The following OMA1 variants were observed in gnomAD, a reference collection of about 807,000 sequenced individuals.
The protein encoded by OMA1 is OMA1 zinc metallopeptidase, also known as metalloendopeptidase OMA1, mitochondrial.
OMA1 carries 38 observed loss-of-function variants against 30.9 expected under a neutral mutation model. The observed-to-expected ratio is 1.23, with a 90% confidence interval of 0.95 to 1.61. The LOEUF (loss-of-function observed/expected upper bound fraction) is 1.61. Ranked by LOEUF, OMA1 falls within the 40% of genes most tolerant of loss-of-function variation. The probability of loss-of-function intolerance (pLI) is 0.00; values close to 1 mark genes in which losing one functional copy is unlikely to be tolerated. For synonymous variants in OMA1, 173 were observed against 121.9 expected (o/e 1.42, Z -2.76); for missense variants, 461 against 349.2 (o/e 1.32, Z -2.55).
intron 5 of OMA1, among the ~76,000 whole-genome samples, chr1:58,531,484 T>C (rs1290840097): frequency 2.0e-5 from 3 of 152,222 alleles, no homozygotes; most frequent in Non-Finnish European, 2.9e-5. Context: ...AGATTGTTCA[T>C]GGTTTGCCAT....
chr1:58,526,808 A>T (rs1056602037), intron 7 of OMA1, among the ~76,000 whole-genome samples: 6 of 152,134 alleles, frequency 3.9e-5, no homozygotes, highest in Non-Finnish European at 8.8e-5. Flanking sequence ...AAGGGGTAAA[A>T]TATTGGAGTA....
At chr1:58,544,928 A>G (rs1304458194) in intron 1 of OMA1, among the ~76,000 whole-genome samples, 1 of 152,078 alleles carries the variant, frequency 6.6e-6, no homozygotes, top group East Asian at 1.9e-4. Context: ...TTCTGTAGAC[A>G]CGGTGTGTCA....
intron 7 of OMA1, among the ~76,000 whole-genome samples, chr1:58,522,803 AT>A (rs1299469742): frequency 2.0e-5 from 3 of 152,238 alleles, no homozygotes; most frequent in Non-Finnish European, 4.4e-5. Flanking sequence ...TAAGAAAACC[AT>A]AAGGAAGAGA....
At chr1:58,488,688 G>A (rs1645619640) in intron 8 of OMA1, among the ~76,000 whole-genome samples, 1 of 152,150 alleles carries the variant, frequency 6.6e-6, no homozygotes, top group South Asian at 2.1e-4. Flanking sequence ...CCGACCTCAG[G>A]TATCTCCTGC....
At chr1:58,535,607 A>G (rs1646504315) in intron 3 of OMA1, among the ~76,000 whole-genome samples, 1 of 151,958 alleles carries the variant, frequency 6.6e-6, no homozygotes, top group Non-Finnish European at 1.5e-5. Flanking sequence ...AAAAAAAAAA[A>G]AAAAAAAAGA....
chr1:58,540,300 A>G (rs1213775225), intron 1 of OMA1, among the ~76,000 whole-genome samples: 4 of 152,118 alleles, frequency 2.6e-5, no homozygotes, highest in African/African-American at 9.7e-5. Flanking sequence ...AAAAATCTAA[A>G]CAGGTATTAG....
intron 7 of OMA1, among the ~76,000 whole-genome samples, chr1:58,509,225 G>A (rs1387690872): frequency 6.6e-6 from 1 of 151,974 alleles, no homozygotes; most frequent in Non-Finnish European, 1.5e-5. Context: ...CCTAATGAAA[G>A]AGAAATATAT....
chr1:58,539,343 G>T (rs1482963600), intron 1 of OMA1, 33 bp from the exon 2 acceptor site: 1 of 763,404 alleles, frequency 1.3e-6, no homozygotes, highest in Admixed American at 2.4e-5. Context: ...AATATCTGTG[G>T]AAAATATTTA....
chr1:58,488,899 T>C (rs1187984495), intron 8 of OMA1, among the ~76,000 whole-genome samples: 2 of 152,238 alleles, frequency 1.3e-5, no homozygotes, highest in African/African-American at 4.8e-5. Context: ...GTACAGATAT[T>C]TTTGTCCAAG....
At chr1:58,541,643 CAAAAACA>C (rs1422571270) in intron 1 of OMA1, 2 of 104,212 alleles carry the variant, frequency 1.9e-5, no homozygotes, top group Admixed American at 9.5e-5. Context: ...AAAAAAAAAC[CAAAAACA>C]AAAAACAAAA....
chr1:58,526,910 A>G (rs1176507339), intron 7 of OMA1, among the ~76,000 whole-genome samples: 1 of 152,178 alleles, frequency 6.6e-6, no homozygotes, highest in Non-Finnish European at 1.5e-5. Context: ...CAAATGTTTT[A>G]AAATTTCAAT....
intron 7 of OMA1, among the ~76,000 whole-genome samples, chr1:58,516,987 A>G (rs917785604): frequency 3.9e-5 from 6 of 152,156 alleles, no homozygotes; most frequent in African/African-American, 1.4e-4. Context: ...TGTTGACATG[A>G]TTTGAATGCT....
chr1:58,535,177 A>G (rs186119453), intron 3 of OMA1, among the ~76,000 whole-genome samples: 1 of 152,356 alleles, frequency 6.6e-6, no homozygotes, highest in East Asian at 1.9e-4. Context: ...ATGCTGATTA[A>G]GACTAGCCAC....
rs142557278 is a variant in OMA1 at position 58,527,018 on chromosome 1, T to C, written c.1215+243A>G. On this transcript the variant is annotated intron_variant, in intron 7 of 8. Transcript: ENST00000371226. ...TTTTAATAGAACCTGATAATTACTA[T>C]AATCTTATGGATTCTGTCTAAGGCA... Among the ~76,000 whole-genome samples, 7 of 152,276 alleles carry C rather than the reference T, an allele frequency of 4.6e-5. No individual in the cohort carries two copies. In the South Asian group the frequency reaches 8.3e-4, roughly 18 times the overall value.
At chr1:58,522,824 T>C (rs747947311) in intron 7 of OMA1, among the ~76,000 whole-genome samples, 25 of 152,190 alleles carry the variant, frequency 1.6e-4, no homozygotes, top group Non-Finnish European at 3.5e-4. Context: ...AAAATATATT[T>C]ACTATTCATT....
At chr1:58,538,548 A>G (rs1646554269) in intron 2 of OMA1, among the ~76,000 whole-genome samples, 1 of 152,202 alleles carries the variant, frequency 6.6e-6, no homozygotes, top group South Asian at 2.1e-4. Flanking sequence ...AGATATTTCT[A>G]TACCATAAAT....
chr1:58,544,123 C>G (rs953849330), intron 1 of OMA1, among the ~76,000 whole-genome samples: 2 of 152,100 alleles, frequency 1.3e-5, no homozygotes, highest in African/African-American at 4.8e-5. Context: ...CCAAATGATT[C>G]AAAACTTTTA....
At chr1:58,493,615 C>T (rs1645740520) in intron 8 of OMA1, among the ~76,000 whole-genome samples, 1 of 151,480 alleles carries the variant, frequency 6.6e-6, no homozygotes, top group South Asian at 2.1e-4. Context: ...CATTCTTATA[C>T]ACCAATAACA....
At chr1:58,543,931 G>A (rs1361526464) in intron 1 of OMA1, among the ~76,000 whole-genome samples, 1 of 152,146 alleles carries the variant, frequency 6.6e-6, no homozygotes, top group African/African-American at 2.4e-5. Context: ...TGGTGCATCT[G>A]AGGAATGAAA....
Sources: allele counts gnomAD v4.1 joint callset (sites outside exome capture counted in the v4.1 genomes callset), GRCh38; gene constraint gnomAD v4.1.1; transcripts MANE v1.5; gene names NCBI Gene and HGNC (gene_info 2026-07-23, HGNC 2026-07-21).